Variants in EYS observed in about 807,000 individuals in gnomAD.
EYS encodes the protein protein eyes shut homolog.
Under a neutral mutation model 282.1 loss-of-function variants are expected in EYS, and 250 were observed. That is an observed-to-expected ratio of 0.89 (90% CI 0.80 to 0.98). The LOEUF is 0.98. Ranked by LOEUF, EYS falls within the 50% of genes least tolerant of loss-of-function variation. The pLI is 0.00. For missense variants in EYS, 4,016 were observed against 3,709.0 expected, an observed-to-expected ratio of 1.08 and a Z score of -2.15; for synonymous variants, 1,355 against 1,282.9, an observed-to-expected ratio of 1.06 and a Z score of -1.20.
chr6:64,484,249 C>CCTT (rs1302375329), intron 26 of EYS, among the ~76,000 whole-genome samples: 1 of 151,566 alleles, frequency 6.6e-6, no homozygotes, highest in Non-Finnish European at 1.5e-5. Context: ...ACCATGAATA[C>CCTT]CTTCACCCAA....
intron 30 of EYS, among the ~76,000 whole-genome samples, chr6:64,275,451 CT>C (rs367970233): frequency 2.6e-4 from 37 of 140,296 alleles, no homozygotes; most frequent in Non-Finnish European, 2.3e-4. Context: ...TGTTCTATTT[CT>C]TTTTTTTTTT....
At chr6:65,679,575 G>A (rs1768746106) in intron 1 of EYS, among the ~76,000 whole-genome samples, 1 of 151,840 alleles carries the variant, frequency 6.6e-6, no homozygotes, top group African/African-American at 2.4e-5. Flanking sequence ...AATAAGTATA[G>A]AGTTTCAGTC....
chr6:64,327,168 C>T (rs918074855), intron 29 of EYS, among the ~76,000 whole-genome samples: 1 of 152,042 alleles, frequency 6.6e-6, no homozygotes, highest in Non-Finnish European at 1.5e-5. Flanking sequence ...GTGGGAAAAA[C>T]CAGATCTAGG....
chr6:65,402,545 A>G lies in EYS; in HGVS notation c.1117T>C (p.Ser373Pro). 1 of 1,562,840 alleles carries G rather than the reference A, an allele frequency of 6.4e-7. No homozygotes were observed. Among genetic ancestry groups the G allele is most frequent in the Non-Finnish European group, 8.8e-7 (1 of 1,134,232 alleles). The change falls in exon 7 of 43, where the codon TCA (serine) becomes CCA (proline). Residue 373 changes from serine to proline, a missense_variant. By Grantham distance (74) the Ser-to-Pro change is moderately conservative. Coordinates refer to ENST00000503581, the MANE Select transcript of EYS (RefSeq NM_001142800.2). ...TTCCTCAAAGGAAATGACTCACATG[A>G]TGTTTGAATGCTCTTACAAAGCAAA... ...TDLLCKSIQT[S>P]CESFPLRNNA...
At chr6:63,788,080 A>G in intron 39 of EYS, 25 bp downstream of exon 39, 1 of 1,490,748 alleles carries the variant, frequency 6.7e-7, no homozygotes. Flanking sequence ...AAGTAGGTAT[A>G]ATATAAAAAA....
At chr6:64,336,167 T>G (rs531201904) in intron 29 of EYS, among the ~76,000 whole-genome samples, 414 of 152,244 alleles carry the variant, frequency 2.7e-3, no homozygotes, top group Non-Finnish European at 4.7e-3. Context: ...ATGGCCTAAA[T>G]GTTCCACTTA....
At position 64,802,021 on chromosome 6, in the gene EYS, TTCTTTTTTTTTC is replaced by T. The variant is rs1399669484; in HGVS notation, c.3443+11345_3443+11356del. The stretch of plus-strand genomic sequence containing the variant: ...TAAGAGAGTTATAACAAATTTCTTT[TTCTTTTTTTTTC>T]TTTTTTTTTTTTTTTTTTGAGACGG... On this transcript the variant is annotated intron_variant, in intron 22 of 42. Transcript: ENST00000503581. Among the ~76,000 whole-genome samples, 93 of 133,248 alleles carry T rather than the reference TTCTTTTTTTTTC, an allele frequency of 7.0e-4. 2 individuals are homozygous for T. The highest frequency in any genetic ancestry group is 1.3e-3 in the Non-Finnish European group (83 of 63,774). 87.4% of individuals were successfully genotyped at this position (133,248 alleles called of 152,430 possible).
chr6:65,142,522 A>G (rs1298943744), intron 12 of EYS, among the ~76,000 whole-genome samples: 1 of 150,820 alleles, frequency 6.6e-6, no homozygotes, highest in Non-Finnish European at 1.5e-5. Flanking sequence ...ACACACACAG[A>G]GTTCCAATAC....
intron 33 of EYS, among the ~76,000 whole-genome samples, chr6:64,063,823 G>A (rs1196692677): frequency 1.3e-5 from 2 of 152,100 alleles, no homozygotes; most frequent in African/African-American, 4.8e-5. Flanking sequence ...TGCCTCCTGG[G>A]TTCAAAGGGG....
At chr6:65,266,030 A>C (rs947506803) in intron 12 of EYS, among the ~76,000 whole-genome samples, 1 of 151,554 alleles carries the variant, frequency 6.6e-6, no homozygotes, top group Non-Finnish European at 1.5e-5. Flanking sequence ...AGAAAAAAAT[A>C]TGTTTGCCTT....
intron 2 of EYS, among the ~76,000 whole-genome samples, chr6:65,579,277 T>C (rs780632112): frequency 6.6e-5 from 10 of 152,128 alleles, no homozygotes; most frequent in Non-Finnish European, 1.3e-4. Context: ...AACTTGAATA[T>C]GAGGCAGCTT....
At chr6:65,506,355 G>T (rs1259524620) in intron 2 of EYS, among the ~76,000 whole-genome samples, 1 of 151,180 alleles carries the variant, frequency 6.6e-6, no homozygotes, top group Non-Finnish European at 1.5e-5. Context: ...GTTTTAGTTG[G>T]GTACTTTACA....
intron 30 of EYS, among the ~76,000 whole-genome samples, chr6:64,253,815 A>C (rs1300233121): frequency 7.1e-6 from 1 of 140,966 alleles, no homozygotes; most frequent in East Asian, 2.4e-4. Context: ...ACTGGGCCAT[A>C]AATTCATCTT....
Position 64,280,984 on chromosome 6 carries a change from G to A in EYS, c.6191+25986C>T, listed in dbSNP as rs537633182. On this transcript the variant is annotated intron_variant, in intron 30 of 42. Transcript: ENST00000503581. ...TGTTGGTAAAAGTATCTGTCTTTCT[G>A]CAGCAACTAACTATGGTTGTGGATA... 2.0e-5 allele frequency among the ~76,000 whole-genome samples: 3 copies of A among 152,202 alleles called. No individual in the cohort carries two copies. The South Asian group carries it at 6.2e-4, about 32-fold the overall frequency.
At chr6:64,688,668 T>C (rs1310400160) in intron 22 of EYS, among the ~76,000 whole-genome samples, 1 of 152,186 alleles carries the variant, frequency 6.6e-6, no homozygotes, top group Non-Finnish European at 1.5e-5. Flanking sequence ...TTAGAGTAAG[T>C]GCAGTGTGGT....
intron 31 of EYS, among the ~76,000 whole-genome samples, chr6:64,186,748 G>A (rs1281501877): frequency 1.3e-5 from 2 of 152,098 alleles, no homozygotes; most frequent in Non-Finnish European, 2.9e-5. Context: ...TCTCTCAGAG[G>A]AACGAAACTG....
At chr6:64,839,914 C>A (rs1193284187) in intron 19 of EYS, among the ~76,000 whole-genome samples, 1 of 152,036 alleles carries the variant, frequency 6.6e-6, no homozygotes, top group Non-Finnish European at 1.5e-5. Context: ...AAATCCCCAC[C>A]TCTTAATATC....
In EYS at chr6:65,128,349, T is replaced by G. The variant is rs568379606; in HGVS notation, c.2024-70622A>C. The stretch of plus-strand genomic sequence containing the variant: ...GCTAGAACAATCAGGCAAGTGAAGT[T>G]AATAAAAGGCATCACAATAAGAAAA... On this transcript the variant is annotated intron_variant, in intron 12 of 42. Transcript: ENST00000503581. Among the ~76,000 whole-genome samples, 4 of 152,040 alleles carry G rather than the reference T, an allele frequency of 2.6e-5. No individual in the cohort carries two copies. In the South Asian group the frequency reaches 8.3e-4, roughly 32 times the overall value.
At chr6:65,597,133 A>G (rs541779175) in intron 2 of EYS, among the ~76,000 whole-genome samples, 1 of 152,122 alleles carries the variant, frequency 6.6e-6, no homozygotes, top group Non-Finnish European at 1.5e-5. Flanking sequence ...AATATTTTTA[A>G]AAATGATTCC....
Sources: gnomAD v4.1 joint callset for allele counts (sites outside exome capture counted in the v4.1 genomes callset) on GRCh38, gnomAD v4.1.1 for gene constraint, MANE v1.5 for transcripts, NCBI Gene and HGNC (gene_info 2026-07-23, HGNC 2026-07-21) for gene names.